The following NDUFS6 variants were observed in gnomAD, a reference collection of about 807,000 sequenced individuals.
NDUFS6 encodes the protein NADH:ubiquinone oxidoreductase subunit S6, also known as NADH dehydrogenase [ubiquinone] iron-sulfur protein 6, mitochondrial.
A neutral mutation model predicts 13.2 loss-of-function variants in NDUFS6; 14 were observed. That is an observed-to-expected ratio of 1.06 (90% CI 0.70 to 1.66). The LOEUF (loss-of-function observed/expected upper bound fraction) is 1.66. Among genes scored for constraint, NDUFS6 ranks in the 40% most tolerant of loss-of-function variants. The probability of loss-of-function intolerance (pLI) is 0.00; values close to 1 mark genes in which losing one functional copy is unlikely to be tolerated. For synonymous variants in NDUFS6, 95 were observed against 72.3 expected, an observed-to-expected ratio of 1.31 and a Z score of -1.60; for missense variants, 206 against 170.8, an observed-to-expected ratio of 1.21 and a Z score of -1.15.
At chr5:1,811,181 A>G (rs1203764035) in intron 2 of NDUFS6, among the ~76,000 whole-genome samples, 2 of 152,258 alleles carry the variant, frequency 1.3e-5, no homozygotes, top group African/African-American at 4.8e-5. Flanking sequence ...TTAATCGACC[A>G]TTTATGTTAT....
rs778756659 is a variant in NDUFS6 at position 1,801,558 on chromosome 5, C to T, written c.132+9C>T. ...TCACGCACACTGGCCAGGTAACGGC[C>T]GCTGGGTACAGGATGCACCTTCCTC... On this transcript the variant is annotated intron_variant, in intron 1 of 3. Transcript: ENST00000274137. 5 of 1,577,774 alleles carry T rather than the reference C, an allele frequency of 3.2e-6. No individual in the cohort carries two copies. In the Admixed American group the frequency reaches 7.1e-5, roughly 22 times the overall value.
chr5:1,802,750 T>G, intron 2 of NDUFS6, among the ~76,000 whole-genome samples: 1 of 152,290 alleles, frequency 6.6e-6, no homozygotes, highest in Non-Finnish European at 1.5e-5. Flanking sequence ...TAGTGTGTGT[T>G]TTTTACAGGG....
At chr5:1,803,105 G>A (rs1017137071) in intron 2 of NDUFS6, among the ~76,000 whole-genome samples, 14 of 152,080 alleles carry the variant, frequency 9.2e-5, no homozygotes, top group African/African-American at 1.9e-4. Context: ...TGTTAACACC[G>A]TAGCTATCCC....
intron 2 of NDUFS6, among the ~76,000 whole-genome samples, chr5:1,809,650 TTGAC>T: frequency 6.6e-6 from 1 of 152,340 alleles, no homozygotes; most frequent in South Asian, 2.1e-4. Flanking sequence ...GCCGGTCTCT[TTGAC>T]TGCCGTGATC....
chr5:1,814,275 G>A lies in NDUFS6; in HGVS notation c.187-64G>A. On this transcript the variant is annotated intron_variant, in intron 2 of 3. Transcript: ENST00000274137. The surrounding 1 kb of genome is among the most constrained non-coding windows in gnomAD (Gnocchi z 4.9). ...TGGTACATGAATTTGTGTGTGGTGGGTTAAATTGTATGTAGTTAGCAAGTT... is the reference window on the plus strand; with the variant it reads ...TGGTACATGAATTTGTGTGTGGTGGATTAAATTGTATGTAGTTAGCAAGTT... 6.6e-7 allele frequency: 1 copy of A among 1,526,072 alleles called. No individual in the cohort carries two copies. Among genetic ancestry groups the A allele is most frequent in the Non-Finnish European group, 8.9e-7 (1 of 1,127,132 alleles). The allele number at this position is 1,526,072 out of a possible 1,614,324, so 94.5% of individuals were successfully genotyped here. A position where few individuals can be genotyped will look rare whatever the true frequency, so the allele number is the denominator to read the frequency against.
chr5:1,815,032 A>G (rs1734285687), intron 3 of NDUFS6, among the ~76,000 whole-genome samples: 2 of 152,158 alleles, frequency 1.3e-5, no homozygotes, highest in Admixed American at 6.5e-5. Flanking sequence ...TAAAGGCCCC[A>G]TCTCCAAATA....
chr5:1,806,435 C>G (rs1012109890), intron 2 of NDUFS6, among the ~76,000 whole-genome samples: 1 of 152,206 alleles, frequency 6.6e-6, no homozygotes, highest in African/African-American at 2.4e-5. Context: ...ACCCTGTGGC[C>G]TCACCTGCCT....
In NDUFS6 at chr5:1,814,357, A is replaced by G. The variant is rs773376313; in HGVS notation, c.205A>G (p.Ile69Val). Residue 69 changes from isoleucine to valine, a missense_variant, in exon 3 of 4, where the codon ATT becomes GTT. Ile to Val is a conservative substitution (Grantham distance 29). Transcript: ENST00000274137. This position sits in a 1 kb window ranked among gnomAD's most constrained non-coding sequence, Gnocchi z 4.9. Reference protein sequence around the residue: ...RQKEVNENFAIDLIAEQPVSE... With the variant: ...RQKEVNENFAVDLIAEQPVSE... ...GTTCCAGGTGAATGAAAACTTTGCCATTGATTTGATAGCAGAGCAGCCCGT... is the reference window on the plus strand; with the variant it reads ...GTTCCAGGTGAATGAAAACTTTGCCGTTGATTTGATAGCAGAGCAGCCCGT... 1.2e-6 allele frequency: 2 copies of G among 1,614,216 alleles called. No homozygotes were observed. Among genetic ancestry groups the G allele is most frequent in the East Asian group, 2.2e-5 (1 of 44,890 alleles).
chr5:1,807,680 G>A (rs1031813316), intron 2 of NDUFS6, among the ~76,000 whole-genome samples: 6 of 152,214 alleles, frequency 3.9e-5, no homozygotes, highest in Admixed American at 2.0e-4. Context: ...CAGGACAAGC[G>A]CACTCCTCGG....
intron 2 of NDUFS6, among the ~76,000 whole-genome samples, chr5:1,805,210 A>G (rs1260295078): frequency 2.6e-5 from 4 of 152,192 alleles, no homozygotes; most frequent in South Asian, 2.1e-4. Flanking sequence ...ACATGCCTGT[A>G]GCTCAAGCAA....
chr5:1,804,140 C>T (rs951044555), intron 2 of NDUFS6, among the ~76,000 whole-genome samples: 8 of 152,102 alleles, frequency 5.3e-5, no homozygotes, highest in Non-Finnish European at 7.4e-5. Flanking sequence ...TGTTATGGCA[C>T]GGTCGTGGGG....
chr5:1,808,982 G>T (rs1181746856), intron 2 of NDUFS6, among the ~76,000 whole-genome samples: 1 of 152,172 alleles, frequency 6.6e-6, no homozygotes, highest in Non-Finnish European at 1.5e-5. Context: ...GATCCAGCTG[G>T]TGGACTTTTC....
At chr5:1,809,437 C>A (rs535972034) in intron 2 of NDUFS6, among the ~76,000 whole-genome samples, 1 of 152,062 alleles carries the variant, frequency 6.6e-6, no homozygotes, top group Non-Finnish European at 1.5e-5. Context: ...CGTGTGAACC[C>A]GGAGCCGGGC....
intron 2 of NDUFS6, among the ~76,000 whole-genome samples, chr5:1,811,704 T>C (rs1381750868): frequency 6.6e-6 from 1 of 152,260 alleles, no homozygotes; most frequent in African/African-American, 2.4e-5. Flanking sequence ...GTCTCTTGTC[T>C]CTGCATGTTT....
chr5:1,814,077 G>T lies in NDUFS6; in HGVS notation c.187-262G>T, dbSNP rs1734263940. ...GCCCACGGGGCACGTGTCAGCATTT[G>T]CTGGGTCCACGGGGACAGAAGGGAA... On this transcript the variant is annotated intron_variant, in intron 2 of 3. Coordinates refer to ENST00000274137, the MANE Select transcript of NDUFS6 (RefSeq NM_004553.6). This position sits in a 1 kb window ranked among gnomAD's most constrained non-coding sequence, Gnocchi z 4.9. Among the ~76,000 whole-genome samples, 2 of 152,236 alleles carry T rather than the reference G, an allele frequency of 1.3e-5. No homozygotes were observed. Among genetic ancestry groups the T allele is most frequent in the South Asian group, 4.1e-4 (2 of 4,834 alleles).
At chr5:1,815,497 T>C (rs1237019070) in intron 3 of NDUFS6, among the ~76,000 whole-genome samples, 4 of 152,240 alleles carry the variant, frequency 2.6e-5, no homozygotes, top group African/African-American at 7.2e-5. Context: ...GCACCCGGCA[T>C]GTCCCCTCCT....
At position 1,814,878 on chromosome 5, in the gene NDUFS6, C is replaced by T. The variant is rs777664185; in HGVS notation, c.309+417C>T. Among the ~76,000 whole-genome samples, 92 of 152,170 alleles carry T rather than the reference C, an allele frequency of 6.0e-4. 1 individual carries two copies. Among genetic ancestry groups the T allele is most frequent in the Non-Finnish European group, 1.2e-3 (82 of 68,040 alleles). On this transcript the variant is annotated intron_variant, in intron 3 of 3. Coordinates refer to ENST00000274137, the MANE Select transcript of NDUFS6 (RefSeq NM_004553.6). The surrounding 1 kb of genome is among the most constrained non-coding windows in gnomAD (Gnocchi z 4.9). ...GTGGGTTCCTCCTGGGGCCTCGCTC[C>T]GGGGCTTGCAGATGAGGTCTCCTCC...
At position 1,809,295 on chromosome 5, in the gene NDUFS6, G is replaced by A. The variant is rs548617370; in HGVS notation, c.187-5044G>A. Among the ~76,000 whole-genome samples the A allele has an allele frequency of 3.3e-5, 5 of 152,284 alleles. No individual in the cohort carries two copies. The South Asian group carries it at 1.0e-3, about 32-fold the overall frequency. On this transcript the variant is annotated intron_variant, in intron 2 of 3. Coordinates refer to ENST00000274137, the MANE Select transcript of NDUFS6 (RefSeq NM_004553.6). ...GTGACGGTTCTCCCTTGATTCCCTCGTGAAGTGCAGCAGCGCTCTTCAGTT... is the reference window on the plus strand; with the variant it reads ...GTGACGGTTCTCCCTTGATTCCCTCATGAAGTGCAGCAGCGCTCTTCAGTT...
At chr5:1,807,646 G>A (rs1015173321) in intron 2 of NDUFS6, among the ~76,000 whole-genome samples, 7 of 152,228 alleles carry the variant, frequency 4.6e-5, no homozygotes, top group Non-Finnish European at 5.9e-5. Context: ...CTGCACACCC[G>A]TGGTGGTAAC....
Sources: allele counts gnomAD v4.1 joint callset (sites outside exome capture counted in the v4.1 genomes callset), GRCh38; gene constraint gnomAD v4.1.1; non-coding constraint Gnocchi (gnomAD v3.1); transcripts MANE v1.5; gene names NCBI Gene and HGNC (gene_info 2026-07-23, HGNC 2026-07-21).